TBX15: variants seen among roughly 807,000 people sequenced by gnomAD.
The protein encoded by TBX15 is T-box transcription factor 15.
TBX15 carries 18 observed loss-of-function variants against 53.9 expected under a neutral mutation model. The observed-to-expected ratio is 0.33, with a 90% CI of 0.23 to 0.49. The LOEUF is 0.49. Among genes scored for constraint, TBX15 ranks in the 20% least tolerant of loss-of-function variants. The probability of loss-of-function intolerance (pLI) is 0.98; values close to 1 mark genes in which losing one functional copy is unlikely to be tolerated. For synonymous variants in TBX15, 295 were observed against 278.0 expected (o/e 1.06, Z -0.61); for missense variants, 692 against 749.5 (o/e 0.92, Z 0.90).
At chr1:118,964,827 C>T (rs543939356) in intron 1 of TBX15, among the ~76,000 whole-genome samples, 3 of 152,154 alleles carry the variant, frequency 2.0e-5, no homozygotes, top group Admixed American at 2.0e-4. Flanking sequence ...GGTTTGGGTC[C>T]CCCTCCAGGC....
At chr1:118,892,584 C>T (rs1195326110) in intron 7 of TBX15, among the ~76,000 whole-genome samples, 1 of 152,070 alleles carries the variant, frequency 6.6e-6, no homozygotes, top group Admixed American at 6.5e-5. Flanking sequence ...GCAGGAAAAA[C>T]AATGGTGTGA....
At chr1:118,957,504 G>A (rs1262307320) in intron 1 of TBX15, among the ~76,000 whole-genome samples, 3 of 152,136 alleles carry the variant, frequency 2.0e-5, no homozygotes, top group African/African-American at 7.2e-5. Flanking sequence ...AAGTTTTAGG[G>A]TACATGTGCA....
chr1:118,914,081 A>G, intron 6 of TBX15, 34 bp downstream of exon 6: 1 of 1,609,108 alleles, frequency 6.2e-7, no homozygotes, highest in East Asian at 2.2e-5. Flanking sequence ...AATGTCACAT[A>G]GAAAAGAAGT....
At chr1:118,987,287 G>T (rs963983733) in intron 1 of TBX15, among the ~76,000 whole-genome samples, 33 of 152,178 alleles carry the variant, frequency 2.2e-4, no homozygotes, top group Admixed American at 1.3e-3. Flanking sequence ...CAATCCCAGG[G>T]ACCGGCAGCC....
chr1:118,933,455 C>T, intron 1 of TBX15, among the ~76,000 whole-genome samples: 1 of 83,588 alleles, frequency 1.2e-5, no homozygotes, highest in Admixed American at 1.2e-4. Context: ...CCCTCTGCCC[C>T]CCACCCACAA....
chr1:118,889,887 C>T (rs1489422418), intron 7 of TBX15, among the ~76,000 whole-genome samples: 1 of 152,178 alleles, frequency 6.6e-6, no homozygotes, highest in South Asian at 2.1e-4. Context: ...ATCCTCCTGT[C>T]TCAGCCTCAA....
chr1:118,939,384 G>A (rs935717904), intron 1 of TBX15, among the ~76,000 whole-genome samples: 1 of 99,890 alleles, frequency 1.0e-5, no homozygotes, highest in South Asian at 3.2e-4. Flanking sequence ...CTCCAGCCAG[G>A]GCAACAGAAT....
chr1:118,897,169 C>T (rs73007542), intron 7 of TBX15, among the ~76,000 whole-genome samples: 1,684 of 152,290 alleles, frequency 0.011, 38 homozygotes, highest in African/African-American at 0.038. Context: ...ATGCAAGCTT[C>T]CTGTGTCTGT....
At chr1:118,897,003 T>C (rs1654452723) in intron 7 of TBX15, among the ~76,000 whole-genome samples, 1 of 152,024 alleles carries the variant, frequency 6.6e-6, no homozygotes, top group African/African-American at 2.4e-5. Context: ...TCAAGTTCTT[T>C]CTTCTCTTCC....
At chr1:118,960,083 G>A (rs1281664298) in intron 1 of TBX15, among the ~76,000 whole-genome samples, 3 of 150,562 alleles carry the variant, frequency 2.0e-5, no homozygotes, top group Non-Finnish European at 4.4e-5. Context: ...AAAAAAAAAA[G>A]AAGAGAAAAG....
intron 1 of TBX15, among the ~76,000 whole-genome samples, chr1:118,960,714 G>A (rs1000987921): frequency 6.6e-6 from 1 of 152,204 alleles, no homozygotes; most frequent in African/African-American, 2.4e-5. Flanking sequence ...CTCAGGATCA[G>A]GGCTTCGTGT....
Position 118,987,821 on chromosome 1 carries a change from G to T in TBX15, c.-26C>A. 6.5e-7 allele frequency: 1 copy of T among 1,546,114 alleles called. No homozygotes were observed. On this transcript the variant is annotated 5_prime_UTR_variant, in exon 1 of 8. Transcript: ENST00000369429. Reference sequence around the variant, plus strand: ...TTTAGCCGCCCACACCCCTGCCTCCGCTTGCCCCCGCTACCGAGGGAGCAG... The same window carrying T: ...TTTAGCCGCCCACACCCCTGCCTCCTCTTGCCCCCGCTACCGAGGGAGCAG...
At chr1:118,964,614 T>C (rs896075973) in intron 1 of TBX15, among the ~76,000 whole-genome samples, 1 of 152,254 alleles carries the variant, frequency 6.6e-6, no homozygotes, top group African/African-American at 2.4e-5. Context: ...GACTATTCCT[T>C]ACTCATCTAC....
In TBX15 at chr1:118,928,334, C is replaced by T. The variant is rs556325297; in HGVS notation, c.420-1723G>A. 1.1e-4 allele frequency among the ~76,000 whole-genome samples: 16 copies of T among 152,276 alleles called. No homozygotes were observed. The South Asian group carries it at 3.1e-3, about 30-fold the overall frequency. Reference sequence around the variant, plus strand: ...TTCAGAAGCTTCTAGGATATATTATCATTTAAAAATTTCTCCCCCTACCTC... The same window carrying T: ...TTCAGAAGCTTCTAGGATATATTATTATTTAAAAATTTCTCCCCCTACCTC... On this transcript the variant is annotated intron_variant, in intron 2 of 7. Transcript: ENST00000369429.
chr1:118,920,186 T>G (rs1216789229), intron 5 of TBX15, among the ~76,000 whole-genome samples: 1 of 152,200 alleles, frequency 6.6e-6, no homozygotes, highest in East Asian at 1.9e-4. Flanking sequence ...GTACAACTTT[T>G]GTTCTCAAAA....
chr1:118,932,596 G>T (rs938115337), intron 1 of TBX15, among the ~76,000 whole-genome samples: 5 of 152,226 alleles, frequency 3.3e-5, no homozygotes, highest in African/African-American at 1.2e-4. Context: ...GAGGGGAGGG[G>T]TGATCCAAAC....
At chr1:118,887,144 G>C (rs184067329) in intron 7 of TBX15, among the ~76,000 whole-genome samples, 2 of 152,314 alleles carry the variant, frequency 1.3e-5, no homozygotes, top group African/African-American at 4.8e-5. Context: ...TCTGGAAAGA[G>C]CAGCTGCTTT....
chr1:118,970,720 G>A (rs879306271), intron 1 of TBX15, among the ~76,000 whole-genome samples: 7 of 152,122 alleles, frequency 4.6e-5, no homozygotes, highest in Admixed American at 2.0e-4. Context: ...GTTTTTTAAT[G>A]CATTCTCACA....
intron 6 of TBX15, among the ~76,000 whole-genome samples, chr1:118,911,315 A>G (rs1457514958): frequency 2.0e-5 from 3 of 152,222 alleles, no homozygotes; most frequent in African/African-American, 7.2e-5. Context: ...TAGCCCTCAG[A>G]TTTTGATGGA....
Sources: allele counts gnomAD v4.1 joint callset (sites outside exome capture counted in the v4.1 genomes callset), GRCh38; gene constraint gnomAD v4.1.1; transcripts MANE v1.5; gene names NCBI Gene and HGNC (gene_info 2026-07-23, HGNC 2026-07-21).